The following TRPM6 variants were observed in gnomAD, a reference collection of about 807,000 sequenced individuals.
The protein encoded by TRPM6 is channel kinase 2.
A neutral mutation model predicts 247.6 loss-of-function variants in TRPM6; 111 were observed. That is an observed-to-expected ratio of 0.45 (90% confidence interval 0.38 to 0.52). The LOEUF is 0.52. TRPM6 is among the 20% of genes least tolerant of loss of function. The probability of loss-of-function intolerance (pLI) is 0.00; values close to 1 mark genes in which losing one functional copy is unlikely to be tolerated. For missense variants in TRPM6, 2,126 were observed against 2,421.5 expected (o/e 0.88, Z 2.56); for synonymous variants, 892 against 853.8 (o/e 1.04, Z -0.78).
At chr9:74,780,347 G>T (rs1827391214) in intron 23 of TRPM6, among the ~76,000 whole-genome samples, 1 of 152,174 alleles carries the variant, frequency 6.6e-6, no homozygotes, top group South Asian at 2.1e-4. Flanking sequence ...CCAGCCACTT[G>T]GGAGGCTGAG....
Position 74,851,642 on chromosome 9 carries a change from G to C in TRPM6, c.152+3885C>G, listed in dbSNP as rs1247927591. ...TGGGCGCCTGTAATCCCAGCTACTC[G>C]GGAGGCTGAGGCACGAGAATCGCTT... On this transcript the variant is annotated intron_variant, in intron 3 of 38. Transcript: ENST00000360774. 4.6e-5 allele frequency among the ~76,000 whole-genome samples: 7 copies of C among 151,556 alleles called. No homozygotes were observed. The East Asian group carries it at 1.4e-3, about 29-fold the overall frequency.
chr9:74,756,406 T>G (rs569812285), intron 27 of TRPM6, among the ~76,000 whole-genome samples: 20 of 152,282 alleles, frequency 1.3e-4, no homozygotes, highest in African/African-American at 4.8e-4. Context: ...AGGTGAATTC[T>G]TACAGAATTG....
At chr9:74,883,214 A>T (rs1278764786) in intron 1 of TRPM6, among the ~76,000 whole-genome samples, 1 of 148,322 alleles carries the variant, frequency 6.7e-6, no homozygotes, top group African/African-American at 2.6e-5. Flanking sequence ...AAGGCTGAAT[A>T]ATATTCCCTT....
intron 1 of TRPM6, among the ~76,000 whole-genome samples, chr9:74,859,602 G>A (rs1197404389): frequency 9.9e-5 from 15 of 151,836 alleles, no homozygotes; most frequent in Non-Finnish European, 1.3e-4. Context: ...GTGAAACCCC[G>A]TCTCTACTAA....
At position 74,782,853 on chromosome 9, in the gene TRPM6, T is replaced by C. The variant is rs148603803; in HGVS notation, c.2920A>G (p.Thr974Ala). The C allele has an allele frequency of 3.3e-4, 531 of 1,613,974 alleles. No individual in the cohort carries two copies. The highest frequency in any genetic ancestry group is 1.2e-3 in the Admixed American group (70 of 60,008). ...GPYVTMIAKM[T>A]ANMFYIVIIM... ...ATCACAATATAGAACATGTTTGCTG[T>C]CTGCAAAAGAGCATAGTACAACCAG... The change falls in exon 22 of 39, where the codon ACA becomes GCA. Residue 974 changes from threonine (T) to alanine (A), a missense_variant and splice_region_variant. Coordinates refer to ENST00000360774, the MANE Select transcript of TRPM6 (RefSeq NM_017662.5).
intron 38 of TRPM6, among the ~76,000 whole-genome samples, chr9:74,725,434 A>ACATTTTAATT (rs1825283374): frequency 1.3e-5 from 2 of 152,168 alleles, no homozygotes; most frequent in Non-Finnish European, 2.9e-5. Flanking sequence ...ATTAATAATA[A>ACATTTTAATT]AACAATCAAC....
chr9:74,742,971 G>A (rs753466871), intron 32 of TRPM6, among the ~76,000 whole-genome samples: 2 of 152,006 alleles, frequency 1.3e-5, no homozygotes, highest in Non-Finnish European at 2.9e-5. Flanking sequence ...TTTCCTTTCC[G>A]AAGCAAATCC....
chr9:74,885,489 A>G (rs948421206), intron 1 of TRPM6, among the ~76,000 whole-genome samples: 1 of 152,238 alleles, frequency 6.6e-6, no homozygotes, highest in Non-Finnish European at 1.5e-5. Flanking sequence ...CTGTTTTTAG[A>G]TATTAACCCT....
chr9:74,874,028 G>A (rs1203377816), intron 1 of TRPM6, among the ~76,000 whole-genome samples: 1 of 152,070 alleles, frequency 6.6e-6, no homozygotes, highest in African/African-American at 2.4e-5. Context: ...CTGAGGTCAG[G>A]GGTTCAAGAC....
At chr9:74,796,618 GCCTGAAAT>G (rs1828108823) in intron 18 of TRPM6, 115 bp downstream of exon 18, 4 of 956,524 alleles carry the variant, frequency 4.2e-6, no homozygotes, top group Non-Finnish European at 6.7e-6. Context: ...GTCATCACAG[GCCTGAAAT>G]ATAGGCAACA....
intron 16 of TRPM6, among the ~76,000 whole-genome samples, chr9:74,801,045 C>A (rs1211911340): frequency 6.6e-6 from 1 of 151,562 alleles, no homozygotes; most frequent in Non-Finnish European, 1.5e-5. Flanking sequence ...CCTAGAGACA[C>A]CCCCATGTGA....
chr9:74,786,491 G>A (rs1457492771), intron 20 of TRPM6, among the ~76,000 whole-genome samples: 4 of 151,868 alleles, frequency 2.6e-5, no homozygotes, highest in African/African-American at 9.7e-5. Flanking sequence ...TGTAATCCCA[G>A]CACTTTGGGA....
Position 74,755,489 on chromosome 9 carries a change from C to T in TRPM6, c.4786-16G>A. 6.2e-7 allele frequency: 1 copy of T among 1,613,904 alleles called. No homozygotes were observed. The highest frequency in any genetic ancestry group is 8.5e-7 in the Non-Finnish European group (1 of 1,179,942). Reference sequence around the variant, plus strand: ...CTGTTATGATCTGGAGAGAAAGACACTTGTTGGAACACAGTGACATTAATT... The same window carrying T: ...CTGTTATGATCTGGAGAGAAAGACATTTGTTGGAACACAGTGACATTAATT... On this transcript the variant is annotated splice_polypyrimidine_tract_variant and intron_variant, in intron 27 of 38. Coordinates refer to ENST00000360774, the MANE Select transcript of TRPM6 (RefSeq NM_017662.5).
rs1825811814 is a variant in TRPM6, at chr9:74,740,023, T to G, written c.5201-14A>C. On this transcript the variant is annotated splice_polypyrimidine_tract_variant and intron_variant, in intron 33 of 38. Coordinates refer to ENST00000360774, the MANE Select transcript of TRPM6 (RefSeq NM_017662.5). The stretch of plus-strand genomic sequence containing the variant: ...TTTCTTCTCCTGCTGCAAAGAGAAG[T>G]GAAGGCTAGGAATTCAATAAGATTG... 2.5e-6 allele frequency: 4 copies of G among 1,613,046 alleles called. No individual in the cohort carries two copies. In the South Asian group the frequency reaches 3.3e-5, roughly 13 times the overall value.
chr9:74,802,216 G>T, intron 15 of TRPM6, 41 bp from the exon 16 acceptor site: 3 of 1,576,974 alleles, frequency 1.9e-6, no homozygotes, highest in Non-Finnish European at 2.6e-6. Flanking sequence ...CAAATACTCA[G>T]ATGTATGATG....
rs191595540 is a variant in TRPM6, at chr9:74,760,638, T to C, written c.4785+1058A>G. On this transcript the variant is annotated intron_variant, in intron 27 of 38. Coordinates refer to ENST00000360774, the MANE Select transcript of TRPM6 (RefSeq NM_017662.5). ...ATACAAATGAAATTGTACCATGAGA[T>C]ACCACTACACATTCATTAATATGGC... 7.2e-5 allele frequency among the ~76,000 whole-genome samples: 11 copies of C among 152,356 alleles called. No individual in the cohort carries two copies. In the East Asian group the frequency reaches 1.9e-3, roughly 27 times the overall value.
At chr9:74,766,722 C>T (rs1826838750) in intron 25 of TRPM6, among the ~76,000 whole-genome samples, 1 of 151,734 alleles carries the variant, frequency 6.6e-6, no homozygotes, top group African/African-American at 2.4e-5. Flanking sequence ...ACCAGCAGGG[C>T]CGATATGGTG....
At chr9:74,826,152 A>G (rs919444297) in intron 7 of TRPM6, among the ~76,000 whole-genome samples, 1 of 152,218 alleles carries the variant, frequency 6.6e-6, no homozygotes, top group African/African-American at 2.4e-5. Flanking sequence ...CACCCAACAC[A>G]ATTCTAGACA....
At chr9:74,791,455 G>A (rs1827892865) in intron 19 of TRPM6, among the ~76,000 whole-genome samples, 1 of 151,920 alleles carries the variant, frequency 6.6e-6, no homozygotes, top group African/African-American at 2.4e-5. Flanking sequence ...TGCTATGGGA[G>A]CACATGTTCT....
Sources: gnomAD v4.1 joint callset for allele counts (sites outside exome capture counted in the v4.1 genomes callset) on GRCh38, gnomAD v4.1.1 for gene constraint, MANE v1.5 for transcripts, NCBI Gene and HGNC (gene_info 2026-07-23, HGNC 2026-07-21) for gene names.